The following CERKL variants were observed in gnomAD, a reference collection of about 807,000 sequenced individuals.
CERKL encodes the protein ceramide kinase-like protein.
In CERKL, 61 loss-of-function variants were observed where a neutral mutation model predicts 63.4. The observed-to-expected ratio is 0.96, with a 90% CI of 0.78 to 1.19. The LOEUF is 1.19. CERKL is among the 50% of genes most tolerant of loss of function. The pLI is 0.00. For missense variants in CERKL, 675 were observed against 655.5 expected, an observed-to-expected ratio of 1.03 and a Z score of -0.33; for synonymous variants, 250 against 230.5, an observed-to-expected ratio of 1.08 and a Z score of -0.77.
intron 10 of CERKL, among the ~76,000 whole-genome samples, chr2:181,546,484 G>A (rs1391137819): frequency 2.6e-5 from 4 of 152,130 alleles, no homozygotes. Flanking sequence ...AATCACACAA[G>A]GTTCAAAATA....
intron 1 of CERKL, among the ~76,000 whole-genome samples, chr2:181,609,101 TCTTTA>T (rs1025390782): frequency 3.0e-4 from 46 of 152,140 alleles, no homozygotes; most frequent in African/African-American, 1.0e-3. Context: ...GCCAGTATTC[TCTTTA>T]TTTTCTTTTA....
At chr2:181,598,174 G>A (rs961485146) in intron 2 of CERKL, among the ~76,000 whole-genome samples, 1 of 152,058 alleles carries the variant, frequency 6.6e-6, no homozygotes, top group Non-Finnish European at 1.5e-5. Context: ...CTTACATAAA[G>A]GGTGGGGCCC....
At chr2:181,614,356 T>C (rs962204592) in intron 1 of CERKL, among the ~76,000 whole-genome samples, 41 of 152,326 alleles carry the variant, frequency 2.7e-4, no homozygotes, top group African/African-American at 9.9e-4. Context: ...CAAATACTTA[T>C]GGGAAACATA....
At chr2:181,631,504 C>T (rs141949592) in intron 1 of CERKL, among the ~76,000 whole-genome samples, 1 of 152,194 alleles carries the variant, frequency 6.6e-6, no homozygotes, top group Non-Finnish European at 1.5e-5. Context: ...CACCCCTCCA[C>T]CCCACCTTCC....
chr2:181,547,724 A>G lies in CERKL; in HGVS notation c.1162T>C (p.Cys388Arg). 2 of 1,613,322 alleles carry G rather than the reference A, an allele frequency of 1.2e-6. No individual in the cohort carries two copies. Among genetic ancestry groups the G allele is most frequent in the Middle Eastern group, 3.3e-4 (2 of 6,060 alleles). ...TGGATCATTTGCCATTGATCATTACAGTCTAAAGGTAATGAAAGTGATTGG... is the reference window on the plus strand; with the variant it reads ...TGGATCATTTGCCATTGATCATTACGGTCTAAAGGTAATGAAAGTGATTGG... ...RRAQGSPKSD[C>R]NDQWQMIQGQ... is the part of the protein sequence containing the mutation. The change falls in exon 10 of 13, where the codon TGT becomes CGT. Residue 388 changes from cysteine (C) to arginine (R), a missense_variant and splice_region_variant. Physicochemically the swap from Cys to Arg is radical, Grantham distance 180. Transcript: ENST00000410087.
At chr2:181,554,817 T>C (rs61572822) in intron 5 of CERKL, among the ~76,000 whole-genome samples, 1 of 152,276 alleles carries the variant, frequency 6.6e-6, no homozygotes, top group East Asian at 1.9e-4. Flanking sequence ...GCTTGAAAAC[T>C]TCCTGCCTAG....
At chr2:181,624,358 T>C (rs1232717836) in intron 1 of CERKL, among the ~76,000 whole-genome samples, 5 of 147,864 alleles carry the variant, frequency 3.4e-5, no homozygotes. Context: ...GGAGACCCCA[T>C]CTCTAGTAAA....
chr2:181,542,033 G>A (rs1416399291), intron 11 of CERKL, among the ~76,000 whole-genome samples: 2 of 152,150 alleles, frequency 1.3e-5, no homozygotes, highest in Non-Finnish European at 2.9e-5. Flanking sequence ...GGGCAATGAG[G>A]CCATCCAGGA....
At chr2:181,600,827 T>A (rs1370541278) in intron 2 of CERKL, among the ~76,000 whole-genome samples, 1 of 152,196 alleles carries the variant, frequency 6.6e-6, no homozygotes. Flanking sequence ...AGGTATACAC[T>A]GGACTTAAAT....
Position 181,537,287 on chromosome 2 carries a change from T to G in CERKL, c.*897A>C. ...CTACTCAGAACTACTCAGAAACAAC[T>G]ATATATTTCAGGTTATCTGAGCACA... On this transcript the variant is annotated 3_prime_UTR_variant, in exon 13 of 13. Transcript: ENST00000410087. 2.2e-6 allele frequency: 1 copy of G among 453,704 alleles called. No homozygotes were observed. The highest frequency in any genetic ancestry group is 4.4e-6 in the Non-Finnish European group (1 of 226,528). 28.1% of individuals were successfully genotyped at this position (453,704 alleles called of 1,614,324 possible). A position where few individuals can be genotyped will look rare whatever the true frequency, so the allele number is the denominator to read the frequency against.
Position 181,656,967 on chromosome 2 carries a change from C to G in CERKL, c.40G>C (p.Glu14Gln). ...RRRRNRVSALEGGREEEAPPE... is the reference protein window; with the variant it reads ...RRRRNRVSALQGGREEEAPPE... ...GGCGCCTCTTCCTCCCGGCCGCCCT[C>G]CAGGGCACTCACCCGGTTCCTGCGC... Residue 14 changes from glutamate to glutamine, a missense_variant, in exon 1 of 13, where the codon GAG becomes CAG. Coordinates refer to ENST00000410087, the MANE Select transcript of CERKL (RefSeq NM_201548.5). 2 of 1,583,886 alleles carry G rather than the reference C, an allele frequency of 1.3e-6. No homozygotes were observed. Among genetic ancestry groups the G allele is most frequent in the Non-Finnish European group, 1.7e-6 (2 of 1,167,190 alleles).
At chr2:181,656,737 G>A (rs918225572) in intron 1 of CERKL, 32 bp downstream of exon 1, 13 of 1,534,192 alleles carry the variant, frequency 8.5e-6, no homozygotes, top group Non-Finnish European at 1.1e-5. Context: ...AAGCGCGGAG[G>A]GAGGCGAAGA....
chr2:181,629,321 G>T (rs1354670953), intron 1 of CERKL, among the ~76,000 whole-genome samples: 1 of 152,156 alleles, frequency 6.6e-6, no homozygotes, highest in Non-Finnish European at 1.5e-5. Flanking sequence ...AGTGGATTTA[G>T]ATAACAGGGC....
At chr2:181,598,311 G>A (rs1685306007) in intron 2 of CERKL, among the ~76,000 whole-genome samples, 1 of 152,088 alleles carries the variant, frequency 6.6e-6, no homozygotes, top group Admixed American at 6.5e-5. Context: ...GCCTTCAGAG[G>A]GGCATATGCA....
intron 1 of CERKL, among the ~76,000 whole-genome samples, chr2:181,640,468 G>A (rs1687371615): frequency 6.6e-6 from 1 of 152,180 alleles, no homozygotes; most frequent in South Asian, 2.1e-4. Context: ...TTGTAGACTT[G>A]TCAATGTCTG....
At chr2:181,654,353 A>G (rs147035235) in intron 1 of CERKL, among the ~76,000 whole-genome samples, 82 of 152,230 alleles carry the variant, frequency 5.4e-4, no homozygotes, top group Non-Finnish European at 1.1e-3. Context: ...AAGACCATCA[A>G]TTTGTCCCAA....
At chr2:181,620,179 C>T (rs928713815) in intron 1 of CERKL, among the ~76,000 whole-genome samples, 4 of 152,090 alleles carry the variant, frequency 2.6e-5, no homozygotes, top group African/African-American at 9.7e-5. Flanking sequence ...GTTTCTATTG[C>T]CAGGGTGTAA....
chr2:181,573,483 T>C (rs555007528), intron 3 of CERKL, among the ~76,000 whole-genome samples: 2 of 152,282 alleles, frequency 1.3e-5, no homozygotes, highest in East Asian at 3.9e-4. Context: ...TGTAAACAAG[T>C]ATACAGCTTC....
intron 6 of CERKL, among the ~76,000 whole-genome samples, chr2:181,549,384 CACT>C (rs1426607815): frequency 6.6e-6 from 1 of 152,108 alleles, no homozygotes; most frequent in Non-Finnish European, 1.5e-5. Context: ...ATTTTGAGCA[CACT>C]ACAATATTTT....
Sources: allele counts gnomAD v4.1 joint callset (sites outside exome capture counted in the v4.1 genomes callset), GRCh38; gene constraint gnomAD v4.1.1; transcripts MANE v1.5; gene names NCBI Gene and HGNC (gene_info 2026-07-23, HGNC 2026-07-21).